RPGRIP1L: variants seen among roughly 807,000 people sequenced by gnomAD.
RPGRIP1L encodes the protein protein fantom.
In RPGRIP1L, 131 loss-of-function variants were observed where a neutral mutation model predicts 160.4. The observed-to-expected ratio is 0.82, with a 90% CI of 0.71 to 0.94. The LOEUF (loss-of-function observed/expected upper bound fraction) is 0.94. Among genes scored for constraint, RPGRIP1L ranks in the 40% least tolerant of loss-of-function variants. The probability of loss-of-function intolerance (pLI) is 0.00; values close to 1 mark genes in which losing one functional copy is unlikely to be tolerated. For synonymous variants in RPGRIP1L, 510 were observed against 515.8 expected (o/e 0.99, Z 0.15); for missense variants, 1,522 against 1,535.8 (o/e 0.99, Z 0.15).
At chr16:53,695,424 C>A (rs1970681808) in intron 3 of RPGRIP1L, 1 of 702,828 alleles carries the variant, frequency 1.4e-6, no homozygotes, top group South Asian at 1.5e-5. Flanking sequence ...ACCCTATTTT[C>A]ATTCTTCAAT....
intron 4 of RPGRIP1L, 103 bp from the exon 5 acceptor site, chr16:53,688,068 T>TG (rs1567882184): frequency 1.3e-6 from 1 of 759,410 alleles, no homozygotes; most frequent in Non-Finnish European, 2.3e-6. Context: ...TCTTAAGTAT[T>TG]AAGAGGTATG....
intron 14 of RPGRIP1L, chr16:53,655,400 G>A (rs138268380): frequency 6.6e-6 from 1 of 151,696 alleles, no homozygotes; most frequent in African/African-American, 2.4e-5. Flanking sequence ...ATGAATAAAG[G>A]CCTTCTCGAA....
intron 25 of RPGRIP1L, among the ~76,000 whole-genome samples, chr16:53,609,993 C>T (rs1008503735): frequency 1.3e-5 from 2 of 152,068 alleles, no homozygotes; most frequent in African/African-American, 4.8e-5. Context: ...ACTTGAGTCT[C>T]CTAAGGCGGC....
intron 6 of RPGRIP1L, among the ~76,000 whole-genome samples, 197 bp downstream of exon 6, chr16:53,686,236 C>G (rs998424318): frequency 6.6e-6 from 1 of 152,152 alleles, no homozygotes; most frequent in Non-Finnish European, 1.5e-5. Context: ...CTTAAAAGCA[C>G]AGCAGGTTAG....
chr16:53,670,226 C>T (rs556139603), intron 9 of RPGRIP1L, among the ~76,000 whole-genome samples: 1 of 152,234 alleles, frequency 6.6e-6, no homozygotes, highest in South Asian at 2.1e-4. Context: ...CCTATCCCCA[C>T]ACTCCTTGGG....
chr16:53,693,679 T>G (rs559065779), intron 3 of RPGRIP1L: 8 of 152,322 alleles, frequency 5.3e-5, no homozygotes, highest in African/African-American at 1.7e-4. Flanking sequence ...TAGTTCCTTT[T>G]CCACCTAATT....
In RPGRIP1L at chr16:53,670,833, C is replaced by T. The variant is rs149796289; in HGVS notation, c.1103+677G>A. On this transcript the variant is annotated intron_variant, in intron 9 of 26. Coordinates refer to ENST00000647211, the MANE Select transcript of RPGRIP1L (RefSeq NM_015272.5). ...GTATGGGCTGGGCGCAGTGGCTCACCCCTGTAATCTCAGCACTTTCGGAGG... is the reference window on the plus strand; with the variant it reads ...GTATGGGCTGGGCGCAGTGGCTCACTCCTGTAATCTCAGCACTTTCGGAGG... Among the ~76,000 whole-genome samples the T allele has an allele frequency of 2.0e-3, 306 of 152,184 alleles. 3 individuals carry two copies. Among genetic ancestry groups the T allele is most frequent in the African/African-American group, 7.0e-3 (292 of 41,532 alleles).
rs755648829 is a variant in RPGRIP1L at position 53,641,133 on chromosome 16, A to C, written c.2875-17T>G. The C allele has an allele frequency of 7.5e-6, 12 of 1,599,412 alleles. No homozygotes were observed. Among genetic ancestry groups the C allele is most frequent in the Non-Finnish European group, 8.6e-6 (10 of 1,166,832 alleles). On this transcript the variant is annotated splice_polypyrimidine_tract_variant and intron_variant, in intron 18 of 26. Transcript: ENST00000647211. ...TCTTGGTGCCTAAGACAAACCAACC[A>C]ATGTGTCAGACTGAGTATGATGACC...
At chr16:53,701,624 C>T (rs934337083) in intron 1 of RPGRIP1L, 1 of 151,384 alleles carries the variant, frequency 6.6e-6, no homozygotes, top group Non-Finnish European at 1.5e-5. Context: ...AGTTCTTAAG[C>T]TCTAGGATAT....
intron 22 of RPGRIP1L, 54 bp from the exon 23 acceptor site, chr16:53,622,410 AAT>A: frequency 1.7e-6 from 1 of 572,054 alleles, no homozygotes; most frequent in Non-Finnish European, 3.1e-6. Context: ...TTAAATGCAT[AAT>A]AGACAACTTC....
At chr16:53,629,288 A>C (rs1965366249) in intron 22 of RPGRIP1L, among the ~76,000 whole-genome samples, 1 of 152,100 alleles carries the variant, frequency 6.6e-6, no homozygotes, top group African/African-American at 2.4e-5. Context: ...CAAGGGTGAA[A>C]AGTACCACTT....
intron 22 of RPGRIP1L, among the ~76,000 whole-genome samples, chr16:53,625,890 A>C (rs1311732453): frequency 6.6e-6 from 1 of 152,184 alleles, no homozygotes; most frequent in Non-Finnish European, 1.5e-5. Flanking sequence ...CTCAGGGTTA[A>C]ATGGATTAAG....
At position 53,636,358 on chromosome 16, in the gene RPGRIP1L, T is replaced by C. The variant is rs184688427; in HGVS notation, c.3294+81A>G. 8 of 973,352 alleles carry C rather than the reference T, an allele frequency of 8.2e-6. No homozygotes were observed. The Admixed American group carries it at 1.1e-4, about 13-fold the overall frequency. The allele number at this position is 973,352 out of a possible 1,614,324, so 60.3% of individuals were successfully genotyped here. On this transcript the variant is annotated intron_variant, in intron 22 of 26. Coordinates refer to ENST00000647211, the MANE Select transcript of RPGRIP1L (RefSeq NM_015272.5). Reference sequence around the variant, plus strand: ...CAGAAATAGTTTTCCTTAAGATTTTTATATATGAAGACTACATATGTACTG... The same window carrying C: ...CAGAAATAGTTTTCCTTAAGATTTTCATATATGAAGACTACATATGTACTG...
chr16:53,611,372 G>C (rs981030569), intron 24 of RPGRIP1L, among the ~76,000 whole-genome samples: 1 of 152,192 alleles, frequency 6.6e-6, no homozygotes, highest in Non-Finnish European at 1.5e-5. Context: ...TTATTGCTTT[G>C]TATTTGAGGG....
intron 12 of RPGRIP1L, 71 bp from the exon 13 acceptor site, chr16:53,657,703 T>A: frequency 2.4e-6 from 2 of 840,028 alleles, no homozygotes; most frequent in Non-Finnish European, 3.7e-6. Flanking sequence ...TTAATATAGA[T>A]GTATCAATAA....
chr16:53,638,415 A>T lies in RPGRIP1L; in HGVS notation c.2959-4T>A. 1 of 1,448,998 alleles carries T rather than the reference A, an allele frequency of 6.9e-7. No homozygotes were observed. The allele number at this position is 1,448,998 out of a possible 1,614,324, so 89.8% of individuals were successfully genotyped here. On this transcript the variant is annotated splice_region_variant and splice_polypyrimidine_tract_variant and intron_variant, in intron 19 of 26. Coordinates refer to ENST00000647211, the MANE Select transcript of RPGRIP1L (RefSeq NM_015272.5). ...CTTCAGGAGGAGGAGAAGTCTCCTTATATTAATGTGAAAACACGCATGTAT... is the reference window on the plus strand; with the variant it reads ...CTTCAGGAGGAGGAGAAGTCTCCTTTTATTAATGTGAAAACACGCATGTAT...
chr16:53,664,213 C>A (rs1968050257), intron 10 of RPGRIP1L, among the ~76,000 whole-genome samples: 1 of 152,140 alleles, frequency 6.6e-6, no homozygotes, highest in Admixed American at 6.6e-5. Flanking sequence ...AATTATAATT[C>A]TTTTACTTCT....
chr16:53,599,129 G>A lies in RPGRIP1L; in HGVS notation c.*2947C>T, dbSNP rs532485682. Reference sequence around the variant, plus strand: ...TTTTGTTGTGGGAACATGAGTGCACGCAAAACCTCTCCAATCACATGACCA... The same window carrying A: ...TTTTGTTGTGGGAACATGAGTGCACACAAAACCTCTCCAATCACATGACCA... On this transcript the variant is annotated 3_prime_UTR_variant, in exon 27 of 27. Transcript: ENST00000647211. 4.6e-5 allele frequency: 7 copies of A among 152,236 alleles called. No homozygotes were observed. The highest frequency in any genetic ancestry group is 2.1e-4 in the South Asian group (1 of 4,820). The allele number at this position is 152,236 out of a possible 1,614,324, so 9.4% of individuals were successfully genotyped here. A position where few individuals can be genotyped will look rare whatever the true frequency, so the allele number is the denominator to read the frequency against.
chr16:53,674,950 A>G (rs1969034105), intron 7 of RPGRIP1L, 67 bp downstream of exon 7: 1 of 1,067,226 alleles, frequency 9.4e-7, no homozygotes, highest in Middle Eastern at 2.3e-4. Context: ...TAAAAAAACA[A>G]CTTGAATACT....
Sources: gnomAD v4.1 joint callset for allele counts (sites outside exome capture counted in the v4.1 genomes callset) on GRCh38, gnomAD v4.1.1 for gene constraint, MANE v1.5 for transcripts, NCBI Gene and HGNC (gene_info 2026-07-23, HGNC 2026-07-21) for gene names.